ANGPT1: variants seen among roughly 807,000 people sequenced by gnomAD.
The protein encoded by ANGPT1 is angiopoietin-1.
Under a neutral mutation model 62.2 loss-of-function variants are expected in ANGPT1, and 17 were observed. The observed-to-expected ratio is 0.27, with a 90% CI of 0.19 to 0.41. The LOEUF is 0.41. ANGPT1 is among the 10% of genes least tolerant of loss of function. ANGPT1 has a pLI of 1.00. For missense variants in ANGPT1, 478 were observed against 594.9 expected (o/e 0.80, Z 2.04); for synonymous variants, 199 against 198.9 (o/e 1.00, Z 0.00).
chr8:107,254,606 A>C (rs1245223447), intron 8 of ANGPT1, among the ~76,000 whole-genome samples: 1 of 152,092 alleles, frequency 6.6e-6, no homozygotes, highest in African/African-American at 2.4e-5. Flanking sequence ...AGGAGGAGAG[A>C]GACAGCCCCA....
chr8:107,291,620 C>T (rs1814278168), intron 6 of ANGPT1, among the ~76,000 whole-genome samples: 2 of 151,948 alleles, frequency 1.3e-5, no homozygotes, highest in African/African-American at 4.8e-5. Context: ...ACCATATTGG[C>T]CAAGATGGTC....
chr8:107,350,406 G>A (rs1263477745), intron 1 of ANGPT1, among the ~76,000 whole-genome samples: 1 of 152,076 alleles, frequency 6.6e-6, no homozygotes, highest in Non-Finnish European at 1.5e-5. Context: ...TGCTCCAGGT[G>A]TAATAACAAT....
chr8:107,485,246 G>A (rs374065085), intron 1 of ANGPT1, among the ~76,000 whole-genome samples: 2 of 152,138 alleles, frequency 1.3e-5, no homozygotes, highest in African/African-American at 4.8e-5. Flanking sequence ...AATAGACAGC[G>A]CAGGTCAAGC....
intron 4 of ANGPT1, among the ~76,000 whole-genome samples, chr8:107,313,189 G>GACATTTGATATT (rs1279394360): frequency 6.6e-6 from 1 of 152,024 alleles, no homozygotes; most frequent in Non-Finnish European, 1.5e-5. Flanking sequence ...AAAGAGGTCT[G>GACATTTGATATT]ACATTTGATA....
intron 1 of ANGPT1, among the ~76,000 whole-genome samples, chr8:107,423,802 T>G (rs138977059): frequency 2.6e-5 from 4 of 151,452 alleles, no homozygotes; most frequent in African/African-American, 9.7e-5. Context: ...AGGAAATGAT[T>G]TCAGGTACCT....
At chr8:107,365,518 T>C (rs1816253679) in intron 1 of ANGPT1, among the ~76,000 whole-genome samples, 1 of 152,170 alleles carries the variant, frequency 6.6e-6, no homozygotes, top group African/African-American at 2.4e-5. Flanking sequence ...TTAATGCATC[T>C]GCAACCACCA....
chr8:107,390,458 A>G (rs970028777), intron 1 of ANGPT1, among the ~76,000 whole-genome samples: 2 of 152,168 alleles, frequency 1.3e-5, no homozygotes, highest in South Asian at 4.1e-4. Context: ...TACTGAGATG[A>G]GTGTTACAAA....
chr8:107,410,693 A>G (rs749852224), intron 1 of ANGPT1, among the ~76,000 whole-genome samples: 2 of 152,212 alleles, frequency 1.3e-5, no homozygotes, highest in Non-Finnish European at 2.9e-5. Context: ...CTAAAATACC[A>G]GAACATGTGA....
chr8:107,473,234 C>A (rs1812410266), intron 1 of ANGPT1, among the ~76,000 whole-genome samples: 2 of 152,182 alleles, frequency 1.3e-5, no homozygotes, highest in Middle Eastern at 6.8e-3. Flanking sequence ...AACCAGGTTT[C>A]TATTCAAACA....
chr8:107,349,672 AC>A (rs1253954900), intron 1 of ANGPT1, among the ~76,000 whole-genome samples: 8 of 152,032 alleles, frequency 5.3e-5, no homozygotes, highest in Non-Finnish European at 7.4e-5. Context: ...AGGCTCAGAA[AC>A]CCCCAAACAA....
At chr8:107,392,956 A>G (rs897132164) in intron 1 of ANGPT1, among the ~76,000 whole-genome samples, 10 of 152,250 alleles carry the variant, frequency 6.6e-5, no homozygotes, top group African/African-American at 2.4e-4. Flanking sequence ...TCTTTGTCTA[A>G]TCTGAAGCCA....
chr8:107,424,876 T>A (rs572608751), intron 1 of ANGPT1, among the ~76,000 whole-genome samples: 46 of 152,330 alleles, frequency 3.0e-4, no homozygotes, highest in African/African-American at 6.5e-4. Flanking sequence ...ATTCTTTTTT[T>A]AAAAAAATAT....
At chr8:107,418,372 A>C (rs148206935) in intron 1 of ANGPT1, among the ~76,000 whole-genome samples, 13 of 152,274 alleles carry the variant, frequency 8.5e-5, no homozygotes, top group African/African-American at 3.1e-4. Context: ...CTGTTGAAAA[A>C]AGTTGAGAAA....
intron 4 of ANGPT1, among the ~76,000 whole-genome samples, chr8:107,314,627 G>A (rs893371026): frequency 4.6e-5 from 7 of 152,110 alleles, no homozygotes; most frequent in African/African-American, 1.2e-4. Flanking sequence ...TTCATTTTAA[G>A]GAAATTGTAA....
chr8:107,474,269 T>G (rs6982185), intron 1 of ANGPT1, among the ~76,000 whole-genome samples: 69,166 of 151,924 alleles, frequency 0.46, 16,826 homozygotes, highest in East Asian at 0.76. Context: ...GGGATGCAAG[T>G]CTGGTTCAAC....
intron 1 of ANGPT1, among the ~76,000 whole-genome samples, chr8:107,419,486 T>C (rs1368497): frequency 0.071 from 10,867 of 152,246 alleles, 548 homozygotes; most frequent in African/African-American, 0.13. Context: ...ATCACATTTT[T>C]CCATGACTTT....
intron 1 of ANGPT1, among the ~76,000 whole-genome samples, chr8:107,457,998 A>C (rs1360437885): frequency 6.6e-6 from 1 of 152,040 alleles, no homozygotes; most frequent in Non-Finnish European, 1.5e-5. Flanking sequence ...TATTATGATC[A>C]TATTGAGTGT....
At chr8:107,282,135 T>A (rs1814021943) in intron 7 of ANGPT1, among the ~76,000 whole-genome samples, 1 of 151,890 alleles carries the variant, frequency 6.6e-6, no homozygotes. Flanking sequence ...AACACCATCT[T>A]ATAGTGTGTT....
intron 1 of ANGPT1, among the ~76,000 whole-genome samples, chr8:107,354,426 T>G (rs936922020): frequency 4.6e-5 from 7 of 152,194 alleles, no homozygotes; most frequent in Non-Finnish European, 8.8e-5. Context: ...ACTTTGGGTT[T>G]AAGTTCTTCA....
Sources: gnomAD v4.1 joint callset for allele counts (sites outside exome capture counted in the v4.1 genomes callset) on GRCh38, gnomAD v4.1.1 for gene constraint, MANE v1.5 for transcripts, NCBI Gene and HGNC (gene_info 2026-07-23, HGNC 2026-07-21) for gene names.